The following AGMO variants were observed in gnomAD, a reference collection of about 807,000 sequenced individuals.
AGMO encodes glyceryl-ether monooxygenase.
AGMO carries 75 observed loss-of-function variants against 60.2 expected under a neutral mutation model. The ratio of observed to expected loss-of-function variants is 1.25; its 90% confidence interval spans 1.03 to 1.51. The LOEUF (loss-of-function observed/expected upper bound fraction) is 1.51. Ranked by LOEUF, AGMO falls within the 40% of genes most tolerant of loss-of-function variation. AGMO has a pLI of 0.00. For missense variants in AGMO, 763 were observed against 525.5 expected (o/e 1.45, Z -4.42); for synonymous variants, 261 against 177.1 (o/e 1.47, Z -3.76).
At chr7:15,140,929 G>A in the AGMO span, among the ~76,000 whole-genome samples, 1 of 152,022 alleles carries the variant, frequency 6.6e-6, no homozygotes, top group Non-Finnish European at 1.5e-5. Flanking sequence ...TTGTTTTCTT[G>A]TGTGTTTGGG....
chr7:15,474,772 A>C (rs887229956), intron 3 of AGMO, among the ~76,000 whole-genome samples: 1 of 151,968 alleles, frequency 6.6e-6, no homozygotes, highest in African/African-American at 2.4e-5. Context: ...CCTACAGAAT[A>C]GGAGAAAATT....
rs533993899 is a variant in AGMO at position 15,490,475 on chromosome 7, C to A, written c.409+54297G>T. On this transcript the variant is annotated intron_variant, in intron 3 of 12. Coordinates refer to ENST00000342526, the MANE Select transcript of AGMO (RefSeq NM_001004320.2). ...AGAGAGGCTTTTCATGGGGATTTGGCCAAAGGTTTTTTCTAGAGTTAATAC... is the reference window on the plus strand; with the variant it reads ...AGAGAGGCTTTTCATGGGGATTTGGACAAAGGTTTTTTCTAGAGTTAATAC... 2.6e-5 allele frequency among the ~76,000 whole-genome samples: 4 copies of A among 151,856 alleles called. No individual in the cohort carries two copies. The South Asian group carries it at 8.3e-4, about 31-fold the overall frequency.
At chr7:15,395,709 GAA>G (rs1443542714) in intron 5 of AGMO, among the ~76,000 whole-genome samples, 3 of 152,278 alleles carry the variant, frequency 2.0e-5, no homozygotes, top group African/African-American at 4.8e-5. Context: ...ATGAATGTTT[GAA>G]AAAGTTTGTT....
intron 12 of AGMO, among the ~76,000 whole-genome samples, chr7:15,276,322 G>C (rs1013714804): frequency 4.6e-5 from 7 of 151,870 alleles, no homozygotes; most frequent in African/African-American, 1.7e-4. Flanking sequence ...GTATCGACTG[G>C]CATTTTTTTT....
chr7:15,425,892 C>A (rs1198301094), intron 4 of AGMO, among the ~76,000 whole-genome samples: 1 of 152,112 alleles, frequency 6.6e-6, no homozygotes, highest in Non-Finnish European at 1.5e-5. Context: ...CATGACAGAG[C>A]TAAAAAATTC....
At chr7:15,470,518 G>A (rs1254766638) in intron 3 of AGMO, among the ~76,000 whole-genome samples, 1 of 151,582 alleles carries the variant, frequency 6.6e-6, no homozygotes, top group Admixed American at 6.6e-5. Context: ...TTAATAAATT[G>A]ACTTTTTACA....
At chr7:15,548,725 A>C (rs1322994933) in intron 2 of AGMO, among the ~76,000 whole-genome samples, 1 of 152,230 alleles carries the variant, frequency 6.6e-6, no homozygotes, top group Non-Finnish European at 1.5e-5. Context: ...GAATGGAACC[A>C]AGTTGGAAAA....
intron 12 of AGMO, among the ~76,000 whole-genome samples, chr7:15,336,950 A>G (rs1318646706): frequency 6.6e-6 from 1 of 152,198 alleles, no homozygotes; most frequent in Non-Finnish European, 1.5e-5. Context: ...GAACTTCAAC[A>G]TCTGAAAACA....
At chr7:15,402,512 T>G (rs115945876) in intron 5 of AGMO, among the ~76,000 whole-genome samples, 2,865 of 150,882 alleles carry the variant, frequency 0.019, 86 homozygotes, top group African/African-American at 0.067. Context: ...CAATAAGATA[T>G]TCCCATATTC....
chr7:15,394,548 G>A (rs1185096696), intron 5 of AGMO, among the ~76,000 whole-genome samples: 1 of 152,110 alleles, frequency 6.6e-6, no homozygotes, highest in East Asian at 1.9e-4. Flanking sequence ...ACGTTGTTCT[G>A]AGGATTATGA....
At chr7:15,483,922 T>C (rs1411185468) in intron 3 of AGMO, among the ~76,000 whole-genome samples, 2 of 152,174 alleles carry the variant, frequency 1.3e-5, no homozygotes, top group African/African-American at 4.8e-5. Flanking sequence ...TCCATACTTA[T>C]TAAAATGCCA....
chr7:15,492,637 A>T (rs1024138140), intron 3 of AGMO, among the ~76,000 whole-genome samples: 7 of 151,720 alleles, frequency 4.6e-5, no homozygotes, highest in Non-Finnish European at 1.0e-4. Flanking sequence ...TTAATTTTTT[A>T]CTAGGTCATA....
At chr7:15,303,175 G>A (rs986094292) in intron 12 of AGMO, among the ~76,000 whole-genome samples, 1 of 152,098 alleles carries the variant, frequency 6.6e-6, no homozygotes, top group Admixed American at 6.6e-5. Context: ...CGGCACAGAT[G>A]CAGAGAGAAA....
intron 3 of AGMO, among the ~76,000 whole-genome samples, chr7:15,540,296 A>G (rs1784591414): frequency 6.6e-6 from 1 of 152,190 alleles, no homozygotes; most frequent in African/African-American, 2.4e-5. Flanking sequence ...AATAGAGTAT[A>G]TAGATCCCAG....
At chr7:15,506,238 T>C (rs1783509562) in intron 3 of AGMO, among the ~76,000 whole-genome samples, 1 of 151,740 alleles carries the variant, frequency 6.6e-6, no homozygotes, top group Non-Finnish European at 1.5e-5. Flanking sequence ...AGAAACTGAA[T>C]GTAAATGATA....
intron 12 of AGMO, among the ~76,000 whole-genome samples, chr7:15,360,449 G>A (rs1782705090): frequency 6.6e-6 from 1 of 152,140 alleles, no homozygotes; most frequent in East Asian, 1.9e-4. Context: ...CACATATTCT[G>A]TATGCTGAAT....
chr7:15,445,026 T>C (rs1161703725), intron 3 of AGMO, among the ~76,000 whole-genome samples: 4 of 152,202 alleles, frequency 2.6e-5, no homozygotes, highest in African/African-American at 9.6e-5. Flanking sequence ...CTTTATGTAT[T>C]TGTGAAGTTC....
intron 12 of AGMO, among the ~76,000 whole-genome samples, chr7:15,322,001 T>C (rs866142673): frequency 1.3e-5 from 2 of 151,660 alleles, no homozygotes; most frequent in Admixed American, 6.6e-5. Context: ...GGAAAAGAGG[T>C]TAGGCTTTTT....
At chr7:15,216,690 T>G (rs74631112) in intron 12 of AGMO, among the ~76,000 whole-genome samples, 11 of 152,148 alleles carry the variant, frequency 7.2e-5, no homozygotes, top group Non-Finnish European at 1.6e-4. Context: ...TCAAGTTTTT[T>G]TAAGATATAA....
Sources: allele counts gnomAD v4.1 joint callset (sites outside exome capture counted in the v4.1 genomes callset), GRCh38; gene constraint gnomAD v4.1.1; transcripts MANE v1.5; gene names NCBI Gene and HGNC (gene_info 2026-07-23, HGNC 2026-07-21).